Variants in PPP1R9A observed in about 807,000 individuals in gnomAD.
PPP1R9A encodes protein phosphatase 1 regulatory subunit 9A, also known as neurabin-1.
PPP1R9A carries 59 observed loss-of-function variants against 141.9 expected under a neutral mutation model. The observed-to-expected ratio is 0.42, with a 90% confidence interval of 0.34 to 0.52. The LOEUF (loss-of-function observed/expected upper bound fraction) is 0.52, where lower values mean the gene tolerates loss of function less well. PPP1R9A is among the 20% of genes least tolerant of loss of function. PPP1R9A has a pLI of 0.10. For missense variants in PPP1R9A, 1,444 were observed against 1,611.9 expected, an observed-to-expected ratio of 0.90 and a Z score of 1.78; for synonymous variants, 500 against 569.7, an observed-to-expected ratio of 0.88 and a Z score of 1.74.
At chr7:95,230,018 G>A (rs1412267546) in intron 8 of PPP1R9A, among the ~76,000 whole-genome samples, 1 of 152,166 alleles carries the variant, frequency 6.6e-6, no homozygotes, top group African/African-American at 2.4e-5. Flanking sequence ...AAGTACCAGT[G>A]CAGAGCCTGG....
At chr7:95,128,286 AT>A (rs1445375601) in intron 4 of PPP1R9A, among the ~76,000 whole-genome samples, 3 of 152,098 alleles carry the variant, frequency 2.0e-5, no homozygotes, top group Non-Finnish European at 2.9e-5. Flanking sequence ...ATTTTTTAAT[AT>A]GTTTGTTGGC....
intron 5 of PPP1R9A, among the ~76,000 whole-genome samples, chr7:95,164,371 A>G (rs938165424): frequency 2.0e-5 from 3 of 151,986 alleles, no homozygotes; most frequent in Non-Finnish European, 2.9e-5. Context: ...ATGATTTGTA[A>G]TCCTTTATAG....
intron 4 of PPP1R9A, among the ~76,000 whole-genome samples, chr7:95,161,556 A>G (rs1830466561): frequency 6.6e-6 from 1 of 152,164 alleles, no homozygotes; most frequent in Non-Finnish European, 1.5e-5. Context: ...AATAGTTTAA[A>G]TCGTCTCTGG....
chr7:95,101,007 C>T (rs965691593), intron 2 of PPP1R9A, among the ~76,000 whole-genome samples: 3 of 151,146 alleles, frequency 2.0e-5, no homozygotes, highest in African/African-American at 7.3e-5. Flanking sequence ...CGCCCGCTAC[C>T]ACGCCCGGCT....
chr7:94,942,148 C>T (rs1242905809), intron 2 of PPP1R9A, among the ~76,000 whole-genome samples: 1 of 152,074 alleles, frequency 6.6e-6, no homozygotes, highest in African/African-American at 2.4e-5. Context: ...TCTCTCTTCT[C>T]AGTCAGAATA....
intron 4 of PPP1R9A, among the ~76,000 whole-genome samples, chr7:95,126,056 T>G (rs1326454837): frequency 1.3e-5 from 2 of 152,210 alleles, no homozygotes; most frequent in South Asian, 4.1e-4. Flanking sequence ...AGTCTTCTAA[T>G]AAAATATTTT....
chr7:94,961,082 T>TG (rs1374928017), intron 2 of PPP1R9A, among the ~76,000 whole-genome samples: 2 of 151,616 alleles, frequency 1.3e-5, no homozygotes, highest in Non-Finnish European at 3.0e-5. Flanking sequence ...TGAGTAGTGA[T>TG]ATGATGTATT....
chr7:95,255,227 A>T (rs1799415975), intron 12 of PPP1R9A, among the ~76,000 whole-genome samples: 1 of 152,172 alleles, frequency 6.6e-6, no homozygotes, highest in Admixed American at 6.6e-5. Context: ...TGATCTTGGT[A>T]GGCTAAAAGC....
At chr7:95,126,012 G>A (rs571969415) in intron 4 of PPP1R9A, among the ~76,000 whole-genome samples, 5 of 152,126 alleles carry the variant, frequency 3.3e-5, no homozygotes, top group South Asian at 2.1e-4. Flanking sequence ...TCCCCTATTC[G>A]ATGGTTTCCT....
At chr7:95,251,714 C>T in intron 10 of PPP1R9A, 48 bp from the exon 11 acceptor site, 1 of 1,528,418 alleles carries the variant, frequency 6.5e-7, no homozygotes, top group African/African-American at 1.4e-5. Flanking sequence ...TAAGAACTTT[C>T]ATTTATTGAG....
chr7:95,264,588 T>A (rs1800967103), intron 12 of PPP1R9A, among the ~76,000 whole-genome samples: 1 of 152,204 alleles, frequency 6.6e-6, no homozygotes, highest in Non-Finnish European at 1.5e-5. Context: ...AGGATCCAAT[T>A]TGTAGCAGTA....
intron 16 of PPP1R9A, among the ~76,000 whole-genome samples, chr7:95,277,690 G>A (rs1467893820): frequency 6.6e-6 from 1 of 152,146 alleles, no homozygotes; most frequent in African/African-American, 2.4e-5. Context: ...GCTTCCCAAA[G>A]TGCTGGGATT....
chr7:95,144,761 G>T (rs1245137144), intron 4 of PPP1R9A, among the ~76,000 whole-genome samples: 1 of 152,106 alleles, frequency 6.6e-6, no homozygotes, highest in South Asian at 2.1e-4. Context: ...GAAGTAAAAG[G>T]CATCCAGACG....
intron 4 of PPP1R9A, among the ~76,000 whole-genome samples, chr7:95,160,832 C>T (rs150573470): frequency 2.6e-5 from 4 of 152,146 alleles, no homozygotes; most frequent in African/African-American, 9.6e-5. Flanking sequence ...CAGATGCATC[C>T]GTGTTGCTGT....
intron 2 of PPP1R9A, among the ~76,000 whole-genome samples, chr7:95,028,219 CAT>C (rs988492953): frequency 7.2e-5 from 11 of 152,052 alleles, no homozygotes; most frequent in Non-Finnish European, 5.9e-5. Context: ...TCATACAACT[CAT>C]GTGTAATCCT....
chr7:95,045,893 T>C lies in PPP1R9A; in HGVS notation c.1396-65366T>C, dbSNP rs138592542. ...AAAAATCAAATGGAGAAAATGGGCT[T>C]ATAATGGAGCAACAGAAAATAGTTA... On this transcript the variant is annotated intron_variant, in intron 2 of 19. Coordinates refer to ENST00000433360, the MANE Select transcript of PPP1R9A (RefSeq NM_001166160.2). Among the ~76,000 whole-genome samples the C allele has an allele frequency of 1.5e-3, 227 of 152,354 alleles. 4 individuals carry two copies. The highest frequency in any genetic ancestry group is 0.011 in the Admixed American group (166 of 15,300).
intron 11 of PPP1R9A, 29 bp from the exon 12 acceptor site, chr7:95,251,930 A>G (rs1395899646): frequency 1.2e-6 from 2 of 1,607,724 alleles, no homozygotes; most frequent in South Asian, 2.2e-5. Context: ...GCTAGTTTAG[A>G]GTTTTATAAA....
intron 16 of PPP1R9A, among the ~76,000 whole-genome samples, chr7:95,278,260 G>A (rs564359559): frequency 5.9e-5 from 9 of 152,080 alleles, no homozygotes; most frequent in South Asian, 2.1e-4. Context: ...AGTCAGATAA[G>A]GCTAGTCTAT....
At chr7:95,028,979 A>ATT (rs891641998) in intron 2 of PPP1R9A, among the ~76,000 whole-genome samples, 1 of 151,586 alleles carries the variant, frequency 6.6e-6, no homozygotes, top group South Asian at 2.1e-4. Flanking sequence ...CTCAGAAGTG[A>ATT]TTTTTTTTTA....
Sources: allele counts gnomAD v4.1 joint callset (sites outside exome capture counted in the v4.1 genomes callset), GRCh38; gene constraint gnomAD v4.1.1; transcripts MANE v1.5; gene names NCBI Gene and HGNC (gene_info 2026-07-23, HGNC 2026-07-21).